Variants in TRANK1 observed in about 807,000 individuals in gnomAD.
TRANK1 encodes the protein tetratricopeptide repeat and ankyrin repeat containing 1, also known as TPR and ankyrin repeat-containing protein 1.
A neutral mutation model predicts 266.0 loss-of-function variants in TRANK1; 198 were observed. That is an observed-to-expected ratio of 0.74 (90% CI 0.66 to 0.84). The LOEUF (loss-of-function observed/expected upper bound fraction) is 0.84. Among genes scored for constraint, TRANK1 ranks in the 40% least tolerant of loss-of-function variants. The pLI, the probability that TRANK1 is intolerant of heterozygous loss-of-function variation, is 0.00. For missense variants in TRANK1, 3,326 were observed against 3,634.6 expected (o/e 0.92, Z 2.18); for synonymous variants, 1,396 against 1,384.1 (o/e 1.01, Z -0.19).
At chr3:36,837,794 T>C (rs1049431137) in intron 20 of TRANK1, among the ~76,000 whole-genome samples, 1 of 152,266 alleles carries the variant, frequency 6.6e-6, no homozygotes, top group Non-Finnish European at 1.5e-5. Context: ...CTAGCAGCTC[T>C]GTCCAACAGA....
chr3:36,860,872 A>C, intron 11 of TRANK1, 34 bp downstream of exon 11: 1 of 1,534,042 alleles, frequency 6.5e-7, no homozygotes, highest in Non-Finnish European at 8.7e-7. Flanking sequence ...GAATGTGGAC[A>C]AGTCTCCAAC....
chr3:36,851,638 A>C (rs546034744), intron 15 of TRANK1, 81 bp downstream of exon 15: 1 of 1,489,322 alleles, frequency 6.7e-7, no homozygotes, highest in Non-Finnish European at 9.0e-7. Flanking sequence ...TCTTACCCTC[A>C]ACTCCAAATT....
chr3:36,851,498 C>G, intron 15 of TRANK1: 1 of 1,249,884 alleles, frequency 8.0e-7, no homozygotes, highest in Non-Finnish European at 1.0e-6. Flanking sequence ...GGGCAGGGCA[C>G]AGGGGGAACT....
intron 20 of TRANK1, among the ~76,000 whole-genome samples, chr3:36,835,712 G>A (rs985811982): frequency 6.6e-6 from 1 of 152,272 alleles, no homozygotes; most frequent in Non-Finnish European, 1.5e-5. Flanking sequence ...CTGTGAAGAC[G>A]AAAATGTATT....
At chr3:36,925,507 A>G (rs1184097256) in intron 1 of TRANK1, among the ~76,000 whole-genome samples, 6 of 152,244 alleles carry the variant, frequency 3.9e-5, no homozygotes, top group African/African-American at 1.4e-4. Flanking sequence ...AAAAAAAGGT[A>G]AAAGAAGTTT....
At chr3:36,838,154 A>AAC (rs370889663) in intron 20 of TRANK1, among the ~76,000 whole-genome samples, 56 of 151,186 alleles carry the variant, frequency 3.7e-4, no homozygotes, top group East Asian at 3.7e-3. Flanking sequence ...TTAACACACA[A>AAC]ACACACACAC....
At chr3:36,851,329 T>C in intron 15 of TRANK1, 1 of 1,000,052 alleles carries the variant, frequency 1.0e-6, no homozygotes, top group Non-Finnish European at 1.2e-6. Flanking sequence ...GAACTGACCT[T>C]ACCCAGTTCT....
chr3:36,850,000 T>C, intron 15 of TRANK1: 1 of 985,072 alleles, frequency 1.0e-6, no homozygotes, highest in South Asian at 4.7e-5. Context: ...CTTGGCCACT[T>C]CCAGGATCAA....
chr3:36,838,019 G>A (rs1014029840), intron 20 of TRANK1, among the ~76,000 whole-genome samples: 5 of 152,296 alleles, frequency 3.3e-5, no homozygotes, highest in African/African-American at 1.2e-4. Flanking sequence ...AGGCCACTCA[G>A]CCAAGGTGAC....
chr3:36,836,868 C>A (rs1314509511), intron 20 of TRANK1, among the ~76,000 whole-genome samples: 1 of 152,264 alleles, frequency 6.6e-6, no homozygotes, highest in Non-Finnish European at 1.5e-5. Flanking sequence ...TCTGCTTCAG[C>A]TCTTGCTGCC....
intron 9 of TRANK1, among the ~76,000 whole-genome samples, chr3:36,872,395 T>G (rs1298819864): frequency 6.6e-6 from 1 of 151,862 alleles, no homozygotes; most frequent in Non-Finnish European, 1.5e-5. Flanking sequence ...GAGCGAGACT[T>G]CGTCTCAAAA....
Position 36,832,522 on chromosome 3 carries a change from T to G in TRANK1, c.7061A>C (p.Glu2354Ala), listed in dbSNP as rs373752682. 16 of 1,613,866 alleles carry G rather than the reference T, an allele frequency of 9.9e-6. No homozygotes were observed. Among genetic ancestry groups the G allele is most frequent in the African/African-American group, 1.3e-5 (1 of 74,906 alleles). Residue 2354 changes from glutamate (E) to alanine (A), a missense_variant, in exon 22 of 24, where the codon GAG becomes GCG. Glu to Ala is a moderately radical substitution (Grantham distance 107). Transcript: ENST00000645898. ...PEEFEKLLHQ[E>A]EDNYNRELKA... is the part of the protein sequence containing the mutation. ...GAGTTCCCTGTTGTAGTTGTCCTCC[T>G]CCTGGTGGAGCAGCTTTTCAAACTC...
chr3:36,866,812 A>G (rs1223397882), intron 9 of TRANK1, among the ~76,000 whole-genome samples: 1 of 152,196 alleles, frequency 6.6e-6, no homozygotes, highest in Admixed American at 6.5e-5. Context: ...AGAAATGGTG[A>G]AAGGGATCCA....
Position 36,857,650 on chromosome 3 carries a change from C to T in TRANK1, c.2072G>A (p.Gly691Asp). ...SQGSFKSVPC[G>D]ATARTLPEGS... Reference sequence around the variant, plus strand: ...TTCAGGCAGTGTTCTGGCAGTGGCACCACATGGCACTGACTTGAATGAACC... The same window carrying T: ...TTCAGGCAGTGTTCTGGCAGTGGCATCACATGGCACTGACTTGAATGAACC... The change falls in exon 13 of 24, where the codon GGT (glycine) becomes GAT (aspartate). Residue 691 changes from glycine to aspartate, a missense_variant. Coordinates refer to ENST00000645898, the MANE Select transcript of TRANK1 (RefSeq NM_001329998.2). This position sits in a 1 kb window ranked among gnomAD's most constrained non-coding sequence, Gnocchi z 4.3. The T allele has an allele frequency of 4.3e-6, 7 of 1,614,018 alleles. No individual in the cohort carries two copies. Among genetic ancestry groups the T allele is most frequent in the Non-Finnish European group, 5.9e-6 (7 of 1,179,888 alleles).
At chr3:36,925,003 T>TC (rs1433214703) in intron 1 of TRANK1, among the ~76,000 whole-genome samples, 1 of 152,128 alleles carries the variant, frequency 6.6e-6, no homozygotes, top group Non-Finnish European at 1.5e-5. Context: ...GCTAAGGCTC[T>TC]CCCTGATGGG....
intron 23 of TRANK1, among the ~76,000 whole-genome samples, chr3:36,828,795 C>T (rs1011281581): frequency 5.3e-5 from 8 of 152,170 alleles, no homozygotes; most frequent in Non-Finnish European, 1.2e-4. Flanking sequence ...TACCAATTCT[C>T]TTCCCTTTGA....
At chr3:36,846,878 C>A (rs1559423541) in intron 16 of TRANK1, among the ~76,000 whole-genome samples, 1 of 152,172 alleles carries the variant, frequency 6.6e-6, no homozygotes, top group Non-Finnish European at 1.5e-5. Context: ...CTATAACTAT[C>A]ACTAGTACTG....
At chr3:36,892,085 A>G (rs933093339) in intron 7 of TRANK1, 117 bp downstream of exon 7, 8 of 1,216,424 alleles carry the variant, frequency 6.6e-6, no homozygotes, top group Non-Finnish European at 6.6e-6. Flanking sequence ...AGATCATTTG[A>G]ATATTCAAAT....
chr3:36,860,987 C>G lies in TRANK1; in HGVS notation c.1414G>C (p.Asp472His), dbSNP rs1029953839. The G allele has an allele frequency of 6.5e-7, 1 of 1,537,762 alleles. No individual in the cohort carries two copies. Among genetic ancestry groups the G allele is most frequent in the Non-Finnish European group, 8.7e-7 (1 of 1,147,036 alleles). Residue 472 changes from aspartate (D) to histidine (H), a missense_variant, in exon 11 of 24, where the codon GAC becomes CAC. Physicochemically the swap from Asp to His is moderately conservative, Grantham distance 81. Coordinates refer to ENST00000645898, the MANE Select transcript of TRANK1 (RefSeq NM_001329998.2). The part of the protein sequence containing the change: ...LIKDCNFSDL[D>H]ICTIIPHLST... ...AGATGGGGGATGATGGTACAGATGT[C>G]GAGGTCTGAGAAGTTGCAGTCTTTG...
Sources: gnomAD v4.1 joint callset for allele counts (sites outside exome capture counted in the v4.1 genomes callset) on GRCh38, gnomAD v4.1.1 for gene constraint, Gnocchi (gnomAD v3.1) non-coding constraint, MANE v1.5 for transcripts, NCBI Gene and HGNC (gene_info 2026-07-23, HGNC 2026-07-21) for gene names.